Variants in METTL9 observed in about 807,000 individuals in gnomAD.
METTL9 encodes protein-L-histidine N-pros-methyltransferase.
A neutral mutation model predicts 36.0 loss-of-function variants in METTL9; 10 were observed. The observed-to-expected ratio is 0.28, with a 90% CI of 0.17 to 0.47. The LOEUF (loss-of-function observed/expected upper bound fraction) is 0.47. Ranked by LOEUF, METTL9 falls within the 20% of genes least tolerant of loss-of-function variation. METTL9 has a pLI of 0.99. For synonymous variants in METTL9, 175 were observed against 149.7 expected, an observed-to-expected ratio of 1.17 and a Z score of -1.23; for missense variants, 246 against 383.5, an observed-to-expected ratio of 0.64 and a Z score of 3.00.
chr16:21,643,636 T>C, intron 4 of METTL9: 1 of 1,410,458 alleles, frequency 7.1e-7, no homozygotes, highest in Non-Finnish European at 1.0e-6. Flanking sequence ...AAACATTTTA[T>C]GTACTCATAA....
chr16:21,606,966 GGTCTGATTA>G (rs1490741845), intron 1 of METTL9, among the ~76,000 whole-genome samples: 1 of 151,944 alleles, frequency 6.6e-6, no homozygotes, highest in Non-Finnish European at 1.5e-5. Context: ...AACCATATTT[GGTCTGATTA>G]GCAAATCTAA....
intron 4 of METTL9, chr16:21,644,177 G>A (rs2141614108): frequency 1.4e-6 from 1 of 725,592 alleles, no homozygotes; most frequent in Admixed American, 2.3e-5. Context: ...ACAGGAAAAT[G>A]TTAATTAGGG....
At chr16:21,624,374 G>T (rs1157770124) in intron 3 of METTL9, among the ~76,000 whole-genome samples, 1 of 152,106 alleles carries the variant, frequency 6.6e-6, no homozygotes, top group Non-Finnish European at 1.5e-5. Flanking sequence ...AACATGATTA[G>T]TTCTTGTAAA....
At chr16:21,646,986 G>C in intron 4 of METTL9, 5 of 1,071,560 alleles carry the variant, frequency 4.7e-6, no homozygotes, top group Non-Finnish European at 7.1e-6. Flanking sequence ...AAACCTCATG[G>C]TGACTTGTGT....
intron 1 of METTL9, among the ~76,000 whole-genome samples, chr16:21,609,053 T>G (rs1965360287): frequency 6.6e-6 from 1 of 152,220 alleles, no homozygotes; most frequent in Admixed American, 6.5e-5. Flanking sequence ...AGCACATGGC[T>G]TGGTGCCTGG....
chr16:21,655,462 G>T lies in METTL9; in HGVS notation c.*30G>T, dbSNP rs767740763. On this transcript the variant is annotated 3_prime_UTR_variant, in exon 5 of 5. Transcript: ENST00000358154. ...GTGGAGGTCGAAGTCTTCAGAGTCC[G>T]CACCCTCCGGGATGTGCCCTTGGAA... is the stretch of plus-strand genomic sequence containing the variant. 1.9e-6 allele frequency: 3 copies of T among 1,580,784 alleles called. No individual in the cohort carries two copies. Among genetic ancestry groups the T allele is most frequent in the African/African-American group, 1.3e-5 (1 of 74,156 alleles).
chr16:21,620,794 G>A (rs1965674218), intron 3 of METTL9, among the ~76,000 whole-genome samples: 1 of 152,136 alleles, frequency 6.6e-6, no homozygotes, highest in Admixed American at 6.5e-5. Context: ...TATTGGTGCA[G>A]TTTGAGGTTT....
At chr16:21,615,509 G>A (rs566140542) in intron 2 of METTL9, among the ~76,000 whole-genome samples, 4 of 152,192 alleles carry the variant, frequency 2.6e-5, no homozygotes, top group South Asian at 2.1e-4. Context: ...GATTACAGAC[G>A]TGAGCCACCA....
intron 3 of METTL9, among the ~76,000 whole-genome samples, chr16:21,623,495 TCATAA>T (rs1487394602): frequency 2.6e-5 from 4 of 152,150 alleles, no homozygotes; most frequent in Non-Finnish European, 5.9e-5. Flanking sequence ...CCTGTCTCTA[TCATAA>T]CATATCTCAC....
At chr16:21,655,130 A>G in intron 4 of METTL9, 97 bp from the exon 5 acceptor site, 1 of 1,093,870 alleles carries the variant, frequency 9.1e-7, no homozygotes, top group South Asian at 1.5e-5. Flanking sequence ...CAGGCTTGGA[A>G]CGTACCAAGT....
At chr16:21,605,325 A>G (rs1358626477) in intron 1 of METTL9, among the ~76,000 whole-genome samples, 1 of 116,040 alleles carries the variant, frequency 8.6e-6, no homozygotes, top group African/African-American at 3.4e-5. Context: ...CTGTCACCCA[A>G]GTTGGAATGC....
chr16:21,605,103 GAA>G (rs1188832934), intron 1 of METTL9, among the ~76,000 whole-genome samples: 1 of 151,868 alleles, frequency 6.6e-6, no homozygotes, highest in African/African-American at 2.4e-5. Context: ...GTGAGAGAGA[GAA>G]GAGACTTGCT....
chr16:21,628,526 C>T (rs1049871814), intron 4 of METTL9, among the ~76,000 whole-genome samples: 1 of 152,044 alleles, frequency 6.6e-6, no homozygotes, highest in Non-Finnish European at 1.5e-5. Context: ...AAGGGACTTG[C>T]TCTGTTGCCC....
rs1436457295 is a variant in METTL9 at position 21,617,719 on chromosome 16, A to G, written c.357-146A>G. On this transcript the variant is annotated intron_variant, in intron 2 of 4. Coordinates refer to ENST00000358154, the MANE Select transcript of METTL9 (RefSeq NM_016025.5). Reference sequence around the variant, plus strand: ...ACTCCAGCCTGAGTGACAGAGTGAGACCTTGTCTAAAAAAAAAAAAAATCT... The same window carrying G: ...ACTCCAGCCTGAGTGACAGAGTGAGGCCTTGTCTAAAAAAAAAAAAAATCT... The G allele has an allele frequency of 8.9e-6, 6 of 675,418 alleles. No homozygotes were observed. In the East Asian group the frequency reaches 1.4e-4, roughly 16 times the overall value. 41.8% of individuals were successfully genotyped at this position (675,418 alleles called of 1,614,324 possible).
At chr16:21,642,492 G>A (rs1966298220) in intron 4 of METTL9, 1 of 152,144 alleles carries the variant, frequency 6.6e-6, no homozygotes, top group African/African-American at 2.4e-5. Context: ...CAAAGTATCT[G>A]TTCTATTGGC....
At chr16:21,633,492 T>G (rs914341021) in intron 4 of METTL9, among the ~76,000 whole-genome samples, 6 of 149,512 alleles carry the variant, frequency 4.0e-5, no homozygotes, top group African/African-American at 1.4e-4. Context: ...TAAATTGGGA[T>G]GTGTGGTCTG....
chr16:21,622,141 C>CTTTTTTTTTTTTTTTTTTTTTTTTT lies in METTL9; in HGVS notation c.567-2769_567-2768insTTTTTTTTTTTTTTTTTTTTTTTTT. On this transcript the variant is annotated intron_variant, in intron 3 of 4. Transcript: ENST00000358154. ...ATAGGTGTGAGCCACCATGCCTGGC[C>CTTTTTTTTTTTTTTTTTTTTTTTTT]TTTTTTTTTTTTTTTTTTTTTGAGA... Among the ~76,000 whole-genome samples the CTTTTTTTTTTTTTTTTTTTTTTTTT allele has an allele frequency of 1.8e-3, 63 of 34,924 alleles. 20 individuals are homozygous for CTTTTTTTTTTTTTTTTTTTTTTTTT. The highest frequency in any genetic ancestry group is 4.3e-3 in the South Asian group (3 of 698). 22.9% of individuals were successfully genotyped at this position (34,924 alleles called of 152,430 possible).
At chr16:21,613,206 A>C (rs1426592867) in intron 2 of METTL9, among the ~76,000 whole-genome samples, 2 of 75,020 alleles carry the variant, frequency 2.7e-5, no homozygotes, top group Non-Finnish European at 4.7e-5. Context: ...TTTTTTTTTA[A>C]AGACAGTCCT....
At chr16:21,644,342 A>AGT (rs757422418) in intron 4 of METTL9, 1 of 1,614,122 alleles carries the variant, frequency 6.2e-7, no homozygotes, top group Admixed American at 1.7e-5. Flanking sequence ...GACAGAGAGC[A>AGT]GTGATACAAG....
Sources: gnomAD v4.1 joint callset for allele counts (sites outside exome capture counted in the v4.1 genomes callset) on GRCh38, gnomAD v4.1.1 for gene constraint, MANE v1.5 for transcripts, NCBI Gene and HGNC (gene_info 2026-07-23, HGNC 2026-07-21) for gene names.